CDC25A: variants seen among roughly 807,000 people sequenced by gnomAD.
The protein encoded by CDC25A is M-phase inducer phosphatase 1.
A neutral mutation model predicts 64.6 loss-of-function variants in CDC25A; 17 were observed. The ratio of observed to expected loss-of-function variants is 0.26; its 90% CI spans 0.18 to 0.39. The LOEUF is 0.39. Ranked by LOEUF, CDC25A falls within the 10% of genes least tolerant of loss-of-function variation. The probability of loss-of-function intolerance (pLI) is 1.00; values close to 1 mark genes in which losing one functional copy is unlikely to be tolerated. For missense variants in CDC25A, 473 were observed against 654.8 expected (o/e 0.72, Z 3.03); for synonymous variants, 229 against 238.6 (o/e 0.96, Z 0.37).
At chr3:48,166,194 A>G (rs2032010080) in intron 10 of CDC25A, among the ~76,000 whole-genome samples, 3 of 142,588 alleles carry the variant, frequency 2.1e-5, no homozygotes, top group Non-Finnish European at 4.9e-5. Context: ...GGAGTGGGAA[A>G]ATCGCTTGAA....
At chr3:48,163,461 G>A (rs964611310) in intron 13 of CDC25A, among the ~76,000 whole-genome samples, 21 of 151,478 alleles carry the variant, frequency 1.4e-4, no homozygotes, top group East Asian at 5.8e-4. Flanking sequence ...AAAATTAGCC[G>A]GGCGTGATGG....
chr3:48,180,739 G>A lies in CDC25A; in HGVS notation c.531C>T (p.Asn177=), dbSNP rs763971281. 8.1e-6 allele frequency: 13 copies of A among 1,613,986 alleles called. 1 individual carries two copies. The highest frequency in any genetic ancestry group is 1.0e-5 in the Non-Finnish European group (12 of 1,179,956). ...CACATACCATCCGAGCTGGGGCAGA[G>A]TTCTGCCTCTGTGTGAAGAGATCTT... The part of the protein sequence containing the change: ...EGKDLFTQRQ[N]SAPARMLSSN... The change falls in exon 6 of 15, where the codon AAC becomes AAT. Residue 177 remains asparagine (N), a synonymous_variant. Transcript: ENST00000302506.
chr3:48,167,996 C>T (rs3731539), intron 9 of CDC25A, 52 bp from the exon 10 acceptor site: 1,060,829 of 1,065,724 alleles, frequency 1, 528,125 homozygotes, highest in East Asian at 1. Flanking sequence ...ATGGAACTTC[C>T]GAAAACATTC....
Position 48,174,402 on chromosome 3 carries a change from G to A in CDC25A, c.812C>T (p.Ser271Leu), listed in dbSNP as rs1457691309. 6.2e-7 allele frequency: 1 copy of A among 1,613,634 alleles called. No homozygotes were observed. The highest frequency in any genetic ancestry group is 1.3e-5 in the African/African-American group (1 of 74,880). The change falls in exon 9 of 15, where the codon TCA becomes TTA. Residue 271 changes from serine to leucine, a missense_variant. Physicochemically the swap from Ser to Leu is moderately radical, Grantham distance 145 (BLOSUM62 -2). Transcript: ENST00000302506. ...AGATCGTTCTGGTCTCTTCAACACT[G>A]ACCGAGTGCTGGAGCTACACAGGGA... ...SPSLCSSSTR[S>L]VLKRPERSQE...
intron 2 of CDC25A, among the ~76,000 whole-genome samples, chr3:48,186,293 GGC>G (rs2032840879): frequency 6.6e-6 from 1 of 152,170 alleles, no homozygotes; most frequent in African/African-American, 2.4e-5. Context: ...TTTATCACCG[GGC>G]GCGGTGGCTC....
intron 12 of CDC25A, 146 bp from the exon 13 acceptor site, chr3:48,164,583 G>T: frequency 1.5e-6 from 1 of 670,778 alleles, no homozygotes; most frequent in Non-Finnish European, 2.3e-6. Context: ...GAATAGCCCA[G>T]TAGACCATTT....
At chr3:48,185,454 T>C (rs2032813970) in intron 2 of CDC25A, among the ~76,000 whole-genome samples, 1 of 147,708 alleles carries the variant, frequency 6.8e-6, no homozygotes, top group Non-Finnish European at 1.5e-5. Flanking sequence ...CCAGGTGCAG[T>C]AGCTCACCCC....
chr3:48,177,709 A>T, intron 7 of CDC25A, 145 bp downstream of exon 7: 1 of 945,202 alleles, frequency 1.1e-6, no homozygotes, highest in Non-Finnish European at 1.7e-6. Context: ...CCCTATTATT[A>T]AATGAATTAT....
Position 48,159,599 on chromosome 3 carries a change from T to C in CDC25A, c.1323-144A>G, listed in dbSNP as rs2031663704. On this transcript the variant is annotated intron_variant, in intron 13 of 14. Transcript: ENST00000302506. ...ATTTATTCTTAGAAACAATCAGTGC[T>C]GAGTTGCAAGTTCCTGGCCACATGA... 1.3e-5 allele frequency: 8 copies of C among 621,104 alleles called. No homozygotes were observed. In the East Asian group the frequency reaches 2.3e-4, roughly 18 times the overall value. 38.5% of individuals were successfully genotyped at this position (621,104 alleles called of 1,614,324 possible). A position where few individuals can be genotyped will look rare whatever the true frequency, so the allele number is the denominator to read the frequency against.
At chr3:48,186,367 G>C (rs539459644) in intron 2 of CDC25A, among the ~76,000 whole-genome samples, 1 of 152,094 alleles carries the variant, frequency 6.6e-6, no homozygotes, top group African/African-American at 2.4e-5. Context: ...TTGTGAATTC[G>C]AGACCAGGCT....
intron 10 of CDC25A, among the ~76,000 whole-genome samples, chr3:48,166,234 G>C (rs1375947359): frequency 6.6e-6 from 1 of 152,172 alleles, no homozygotes; most frequent in Non-Finnish European, 1.5e-5. Flanking sequence ...AGTGAGCTGA[G>C]ATTGCACCAC....
chr3:48,186,460 T>G lies in CDC25A; in HGVS notation c.247+243A>C, dbSNP rs996826718. 4.0e-5 allele frequency among the ~76,000 whole-genome samples: 6 copies of G among 151,428 alleles called. No individual in the cohort carries two copies. The South Asian group carries it at 6.3e-4, about 16-fold the overall frequency. ...GGTGCATGCCTGTAATCCCAGCTAC[T>G]CGGGAGGCTGAGGCAGGAGAATCAC... On this transcript the variant is annotated intron_variant, in intron 2 of 14. Coordinates refer to ENST00000302506, the MANE Select transcript of CDC25A (RefSeq NM_001789.3).
At position 48,187,788 on chromosome 3, in the gene CDC25A, C is replaced by G; in HGVS notation, c.160G>C (p.Gly54Arg). The change falls in exon 1 of 15, where the codon GGT (glycine) becomes CGT (arginine). Residue 54 changes from glycine (G) to arginine (R), a missense_variant. Physicochemically the swap from Gly to Arg is moderately radical, Grantham distance 125 (BLOSUM62 -2). Transcript: ENST00000302506. Reference protein sequence around the residue: ...NLTVTMDQLQGLGSDYEQPLE... With the variant: ...NLTVTMDQLQRLGSDYEQPLE... Reference sequence around the variant, plus strand: ...CCGGTCTCTCCTTACCTGCCCAGACCCTGCAGCTGGTCCATAGTGACGGTC... The same window carrying G: ...CCGGTCTCTCCTTACCTGCCCAGACGCTGCAGCTGGTCCATAGTGACGGTC... 3 of 1,546,342 alleles carry G rather than the reference C, an allele frequency of 1.9e-6. No homozygotes were observed. Among genetic ancestry groups the G allele is most frequent in the Non-Finnish European group, 2.6e-6 (3 of 1,144,458 alleles).
At chr3:48,177,742 G>T in intron 7 of CDC25A, 112 bp downstream of exon 7, 1 of 1,236,198 alleles carries the variant, frequency 8.1e-7, no homozygotes, top group Non-Finnish European at 1.2e-6. Context: ...AAAAATATCA[G>T]CTAAGCAAGC....
At position 48,162,297 on chromosome 3, in the gene CDC25A, T is replaced by TGTGA. The variant is rs1003124398; in HGVS notation, c.1322+2009_1322+2010insTCAC. Reference sequence around the variant, plus strand: ...GTGTGTGTGTGTGTGTGTGTGTGTGTGAGAGAGAGACAGAATCTCACTCTG... The same window carrying TGTGA: ...GTGTGTGTGTGTGTGTGTGTGTGTGTGTGAGAGAGAGAGACAGAATCTCACTCTG... On this transcript the variant is annotated intron_variant, in intron 13 of 14. Coordinates refer to ENST00000302506, the MANE Select transcript of CDC25A (RefSeq NM_001789.3). Among the ~76,000 whole-genome samples, 517 of 149,822 alleles carry TGTGA rather than the reference T, an allele frequency of 3.5e-3. 2 individuals are homozygous for TGTGA. The highest frequency in any genetic ancestry group is 0.012 in the African/African-American group (476 of 40,576).
chr3:48,184,129 G>A (rs2032764225), intron 3 of CDC25A, among the ~76,000 whole-genome samples: 1 of 152,142 alleles, frequency 6.6e-6, no homozygotes, highest in Admixed American at 6.5e-5. Flanking sequence ...GGGAGGCCGA[G>A]GAGGGTATAT....
chr3:48,188,016 C>T lies in CDC25A; in HGVS notation c.-69G>A. ...CCTCCGCCGCGACCGCCCCGCCCCGCCGACACCGGCCTCGGCCGCGCGCCA... is the reference window on the plus strand; with the variant it reads ...CCTCCGCCGCGACCGCCCCGCCCCGTCGACACCGGCCTCGGCCGCGCGCCA... On this transcript the variant is annotated 5_prime_UTR_variant, in exon 1 of 15. Coordinates refer to ENST00000302506, the MANE Select transcript of CDC25A (RefSeq NM_001789.3). The T allele has an allele frequency of 8.0e-7, 1 of 1,249,806 alleles. No homozygotes were observed. Among genetic ancestry groups the T allele is most frequent in the Non-Finnish European group, 1.0e-6 (1 of 982,450 alleles). The allele number at this position is 1,249,806 out of a possible 1,614,324, so 77.4% of individuals were successfully genotyped here.
At position 48,183,807 on chromosome 3, in the gene CDC25A, G is replaced by C. The variant is rs750847449; in HGVS notation, c.320C>G (p.Ser107Cys). 3 of 1,581,480 alleles carry C rather than the reference G, an allele frequency of 1.9e-6. No individual in the cohort carries two copies. The highest frequency in any genetic ancestry group is 2.6e-6 in the Non-Finnish European group (3 of 1,150,944). The change falls in exon 4 of 15, where the codon TCC becomes TGC. Residue 107 changes from serine (S) to cysteine (C), a missense_variant. By Grantham distance (112) the Ser-to-Cys change is moderately radical. This residue lies in a region of CDC25A where 376 missense variants were observed against 431.9 expected (regional missense o/e 0.87). Transcript: ENST00000302506. The part of the protein sequence containing the change: ...NLENPMRRIH[S>C]LPQKLLGCSP... Reference sequence around the variant, plus strand: ...AACAAGGAACTAACTTACAGGTAGGGAATGTATTCTTCTCATAGGATTTTC... The same window carrying C: ...AACAAGGAACTAACTTACAGGTAGGCAATGTATTCTTCTCATAGGATTTTC...
Position 48,159,061 on chromosome 3 carries a change from G to A in CDC25A, c.1459C>T (p.Arg487Trp), listed in dbSNP as rs149642245. ...CQSYCEPPSYRPMHHEDFKED... is the reference protein window; with the variant it reads ...CQSYCEPPSYWPMHHEDFKED... ...TTAAAGTCCTCGTGGTGCATGGGCC[G>A]GTAGCTAGGGGGCTCACAGTAAGAC... Residue 487 changes from arginine to tryptophan, a missense_variant, in exon 15 of 15, where the codon CGG (arginine) becomes TGG (tryptophan). Coordinates refer to ENST00000302506, the MANE Select transcript of CDC25A (RefSeq NM_001789.3). 2 of 1,614,054 alleles carry A rather than the reference G, an allele frequency of 1.2e-6. No homozygotes were observed. The highest frequency in any genetic ancestry group is 1.7e-6 in the Non-Finnish European group (2 of 1,179,992).
Sources: allele counts gnomAD v4.1 joint callset (sites outside exome capture counted in the v4.1 genomes callset), GRCh38; gene constraint gnomAD v4.1.1; regional missense constraint gnomAD v4.1.1; transcripts MANE v1.5; gene names NCBI Gene and HGNC (gene_info 2026-07-23, HGNC 2026-07-21).